PRKN: variants seen among roughly 807,000 people sequenced by gnomAD.
PRKN encodes parkin RBR E3 ubiquitin protein ligase, also known as E3 ubiquitin-protein ligase parkin.
PRKN carries 56 observed loss-of-function variants against 59.5 expected under a neutral mutation model. The ratio of observed to expected loss-of-function variants is 0.94; its 90% CI spans 0.76 to 1.18. The LOEUF is 1.18. Ranked by LOEUF, PRKN falls within the 50% of genes most tolerant of loss-of-function variation. PRKN has a pLI of 0.00. For synonymous variants in PRKN, 250 were observed against 222.1 expected (o/e 1.13, Z -1.12); for missense variants, 657 against 596.4 (o/e 1.10, Z -1.06).
chr6:161,733,798 G>GTATATATATATATATATA (rs10597402), intron 7 of PRKN, among the ~76,000 whole-genome samples: 1 of 122,378 alleles, frequency 8.2e-6, no homozygotes, highest in East Asian at 2.3e-4. Context: ...ATATATATAT[G>GTATATATATATATATATA]TATATATATA....
intron 1 of PRKN, among the ~76,000 whole-genome samples, chr6:162,476,036 C>T (rs1277543079): frequency 2.0e-5 from 3 of 150,764 alleles, no homozygotes; most frequent in South Asian, 2.1e-4. Flanking sequence ...CGTGAGCCAC[C>T]GCACCTGGCC....
chr6:162,218,966 G>C (rs1777818050), intron 3 of PRKN, among the ~76,000 whole-genome samples: 1 of 152,092 alleles, frequency 6.6e-6, no homozygotes, highest in Non-Finnish European at 1.5e-5. Context: ...TTGAGCCCAG[G>C]AGTTTGAGAC....
At chr6:161,763,877 T>A (rs745534720) in intron 7 of PRKN, among the ~76,000 whole-genome samples, 1 of 152,108 alleles carries the variant, frequency 6.6e-6, no homozygotes, top group Admixed American at 6.5e-5. Context: ...ACGAGGCCCA[T>A]CACGAGTCCC....
intron 6 of PRKN, among the ~76,000 whole-genome samples, chr6:161,859,635 A>T (rs1481387028): frequency 7.2e-6 from 1 of 139,646 alleles, no homozygotes; most frequent in Non-Finnish European, 1.6e-5. Context: ...AAAAAGAGAA[A>T]GAGCATTTCT....
intron 6 of PRKN, among the ~76,000 whole-genome samples, chr6:161,802,674 C>T (rs1454820078): frequency 6.6e-6 from 1 of 152,194 alleles, no homozygotes; most frequent in Non-Finnish European, 1.5e-5. Context: ...GTGACCCCAC[C>T]CTACATTCCC....
intron 7 of PRKN, among the ~76,000 whole-genome samples, chr6:161,596,391 T>G (rs954150530): frequency 5.9e-5 from 9 of 152,232 alleles, no homozygotes; most frequent in Non-Finnish European, 7.3e-5. Context: ...TTTGGAAGAT[T>G]TCTATCTTTA....
intron 2 of PRKN, among the ~76,000 whole-genome samples, chr6:162,291,503 T>C (rs73598162): frequency 0.041 from 6,234 of 152,124 alleles, 401 homozygotes; most frequent in African/African-American, 0.14. Flanking sequence ...ACCAACCCAG[T>C]ATCCCTCCAG....
At chr6:162,097,206 G>A (rs557277370) in intron 4 of PRKN, among the ~76,000 whole-genome samples, 7 of 152,266 alleles carry the variant, frequency 4.6e-5, no homozygotes, top group African/African-American at 7.2e-5. Context: ...AAAAGAGCAC[G>A]TATAGTATGA....
chr6:162,336,996 G>A (rs565310551), intron 2 of PRKN, among the ~76,000 whole-genome samples: 1 of 152,262 alleles, frequency 6.6e-6, no homozygotes, highest in East Asian at 1.9e-4. Flanking sequence ...CTCGGTCAGA[G>A]GTGTAATTAG....
chr6:162,646,308 T>G (rs1451459058), intron 1 of PRKN, among the ~76,000 whole-genome samples: 2 of 152,216 alleles, frequency 1.3e-5, no homozygotes, highest in Non-Finnish European at 1.5e-5. Context: ...AGTCTCTCTC[T>G]TCTGCCCAGG....
intron 7 of PRKN, among the ~76,000 whole-genome samples, chr6:161,610,669 C>T (rs958406347): frequency 6.6e-6 from 1 of 151,830 alleles, no homozygotes; most frequent in African/African-American, 2.4e-5. Context: ...ACAGGAGGAG[C>T]AAATAAACCA....
At chr6:162,612,248 TA>T (rs1368879188) in intron 1 of PRKN, among the ~76,000 whole-genome samples, 1 of 147,058 alleles carries the variant, frequency 6.8e-6, no homozygotes, top group Non-Finnish European at 1.5e-5. Flanking sequence ...TAATAGAACT[TA>T]AACAGAACCT....
At chr6:161,441,342 A>G (rs1438850700) in intron 9 of PRKN, among the ~76,000 whole-genome samples, 4 of 152,190 alleles carry the variant, frequency 2.6e-5, no homozygotes, top group African/African-American at 9.6e-5. Flanking sequence ...TTTGTGAGCT[A>G]CAGAAAGAGT....
At chr6:161,811,748 C>T (rs1419334754) in intron 6 of PRKN, among the ~76,000 whole-genome samples, 1 of 152,004 alleles carries the variant, frequency 6.6e-6, no homozygotes, top group African/African-American at 2.4e-5. Context: ...CATAGTGAAA[C>T]TCCATCTCTA....
rs567656347 is a variant in PRKN at position 162,056,392 on chromosome 6, C to G, written c.535-2218G>C. Among the ~76,000 whole-genome samples, 1 of 152,066 alleles carries G rather than the reference C, an allele frequency of 6.6e-6. No homozygotes were observed. Among genetic ancestry groups the G allele is most frequent in the Non-Finnish European group, 1.5e-5 (1 of 68,008 alleles). On this transcript the variant is annotated intron_variant, in intron 4 of 11. Coordinates refer to ENST00000366898, the MANE Select transcript of PRKN (RefSeq NM_004562.3). The surrounding 1 kb of genome is among the most constrained non-coding windows in gnomAD (Gnocchi z 4.9). ...ACTCACACACTCATGCATGCACACA[C>G]GCACTATTCTAGAGAAAAGTCGGGG... is the stretch of plus-strand genomic sequence containing the variant.
chr6:161,580,030 A>G (rs73593493), intron 7 of PRKN, among the ~76,000 whole-genome samples: 5,053 of 152,282 alleles, frequency 0.033, 291 homozygotes, highest in African/African-American at 0.12. Context: ...TTTAGAGTGT[A>G]TATGCTGGGG....
At chr6:162,013,921 T>G (rs760933232) in intron 5 of PRKN, among the ~76,000 whole-genome samples, 7 of 152,194 alleles carry the variant, frequency 4.6e-5, no homozygotes, top group Non-Finnish European at 8.8e-5. Context: ...TAAGTTCATT[T>G]GTTTGCATTT....
intron 4 of PRKN, among the ~76,000 whole-genome samples, chr6:162,156,324 G>T (rs1235689112): frequency 6.6e-6 from 1 of 152,168 alleles, no homozygotes; most frequent in Admixed American, 6.5e-5. Flanking sequence ...AGCTTATCAG[G>T]AGAACTGACT....
At chr6:162,139,177 T>C (rs1781674826) in intron 4 of PRKN, among the ~76,000 whole-genome samples, 1 of 152,208 alleles carries the variant, frequency 6.6e-6, no homozygotes, top group African/African-American at 2.4e-5. Flanking sequence ...TACATTTTGC[T>C]GTCACTATTT....
Sources: gnomAD v4.1 joint callset for allele counts (sites outside exome capture counted in the v4.1 genomes callset) on GRCh38, gnomAD v4.1.1 for gene constraint, Gnocchi (gnomAD v3.1) non-coding constraint, MANE v1.5 for transcripts, NCBI Gene and HGNC (gene_info 2026-07-23, HGNC 2026-07-21) for gene names.